ZMYM4: variants seen among roughly 807,000 people sequenced by gnomAD.
The protein encoded by ZMYM4 is zinc finger MYM-type protein 4.
Under a neutral mutation model 183.2 loss-of-function variants are expected in ZMYM4, and 31 were observed. The ratio of observed to expected loss-of-function variants is 0.17; its 90% CI spans 0.13 to 0.23. The LOEUF is 0.23. ZMYM4 is among the 10% of genes least tolerant of loss of function. The pLI, the probability that ZMYM4 is intolerant of heterozygous loss-of-function variation, is 1.00. For missense variants in ZMYM4, 1,273 were observed against 1,840.3 expected, an observed-to-expected ratio of 0.69 and a Z score of 5.64; for synonymous variants, 592 against 631.2, an observed-to-expected ratio of 0.94 and a Z score of 0.93.
At chr1:35,348,115 A>G (rs486871) in intron 2 of ZMYM4, among the ~76,000 whole-genome samples, 151,500 of 152,310 alleles carry the variant, frequency 0.99, 75,348 homozygotes, top group Middle Eastern at 1. Flanking sequence ...GAAAAACAAC[A>G]ATTTGTTTTA....
chr1:35,372,419 A>C (rs527377647), intron 7 of ZMYM4, among the ~76,000 whole-genome samples: 8 of 152,294 alleles, frequency 5.3e-5, no homozygotes, highest in African/African-American at 1.7e-4. Flanking sequence ...AAGGATACAA[A>C]ATTTTTTAGT....
intron 6 of ZMYM4, 82 bp downstream of exon 6, chr1:35,370,195 C>G (rs1164230200): frequency 6.5e-7 from 1 of 1,549,570 alleles, no homozygotes; most frequent in East Asian, 2.3e-5. Flanking sequence ...ATTAATAAAC[C>G]AGGCAGCTCT....
chr1:35,340,113 C>A (rs931766546), intron 2 of ZMYM4, among the ~76,000 whole-genome samples: 7 of 152,088 alleles, frequency 4.6e-5, no homozygotes, highest in Non-Finnish European at 1.0e-4. Context: ...TCTGACAGAA[C>A]AAAATCAAAT....
intron 2 of ZMYM4, among the ~76,000 whole-genome samples, chr1:35,358,584 G>C (rs1426197663): frequency 6.6e-6 from 1 of 152,056 alleles, no homozygotes; most frequent in Non-Finnish European, 1.5e-5. Flanking sequence ...TGTATAGATA[G>C]ACTCTGAGAG....
intron 2 of ZMYM4, among the ~76,000 whole-genome samples, chr1:35,334,424 C>T (rs567507202): frequency 2.0e-5 from 3 of 152,234 alleles, no homozygotes; most frequent in African/African-American, 7.2e-5. Context: ...TAATATTTCC[C>T]AGTCTGATGG....
At chr1:35,283,971 T>A (rs973208874) in intron 1 of ZMYM4, among the ~76,000 whole-genome samples, 1 of 151,850 alleles carries the variant, frequency 6.6e-6, no homozygotes, top group South Asian at 2.1e-4. Context: ...TTTTTTTGTT[T>A]TTTTGTTTTT....
At chr1:35,303,108 A>AC (rs1557954337) in intron 1 of ZMYM4, among the ~76,000 whole-genome samples, 2 of 151,124 alleles carry the variant, frequency 1.3e-5, no homozygotes, top group African/African-American at 4.9e-5. Context: ...AAAAAAAAAA[A>AC]CAAAAAAACC....
intron 1 of ZMYM4, among the ~76,000 whole-genome samples, chr1:35,303,905 AT>A (rs1400735685): frequency 6.6e-6 from 1 of 152,150 alleles, no homozygotes; most frequent in Non-Finnish European, 1.5e-5. Flanking sequence ...AGCTATAGAC[AT>A]TTCTAAGCCC....
At chr1:35,352,141 A>T (rs1261616121) in intron 2 of ZMYM4, among the ~76,000 whole-genome samples, 1 of 152,204 alleles carries the variant, frequency 6.6e-6, no homozygotes, top group Non-Finnish European at 1.5e-5. Context: ...ACTTGCACCT[A>T]TAATTCCAGC....
chr1:35,365,002 A>G (rs533615691), intron 5 of ZMYM4, among the ~76,000 whole-genome samples: 12 of 152,182 alleles, frequency 7.9e-5, no homozygotes. Flanking sequence ...TGGGTCTCAC[A>G]GTTTCATTTC....
chr1:35,394,111 C>T (rs1363279714), intron 18 of ZMYM4, among the ~76,000 whole-genome samples: 1 of 149,050 alleles, frequency 6.7e-6, no homozygotes, highest in African/African-American at 2.5e-5. Context: ...CTTGGCTACT[C>T]CACACTGTTT....
chr1:35,336,595 G>A (rs193236140), intron 2 of ZMYM4, among the ~76,000 whole-genome samples: 1 of 152,104 alleles, frequency 6.6e-6, no homozygotes, highest in East Asian at 1.9e-4. Context: ...AGTAGAGACA[G>A]GACTGTACCA....
chr1:35,372,494 A>G (rs1179725074), intron 7 of ZMYM4, among the ~76,000 whole-genome samples: 1 of 152,192 alleles, frequency 6.6e-6, no homozygotes, highest in Non-Finnish European at 1.5e-5. Flanking sequence ...TGTATTCTTG[A>G]AAAATGGTGA....
intron 2 of ZMYM4, among the ~76,000 whole-genome samples, chr1:35,355,234 A>G (rs1643780055): frequency 8.5e-6 from 1 of 118,128 alleles, no homozygotes. Flanking sequence ...TTTTAAGTAG[A>G]GACAGGGTTT....
At position 35,396,791 on chromosome 1, in the gene ZMYM4, TATC is replaced by T. The variant is rs1393576224; in HGVS notation, c.3030+124_3030+126del. The T allele has an allele frequency of 3.5e-6, 4 of 1,148,028 alleles. No individual in the cohort carries two copies. In the East Asian group the frequency reaches 8.1e-5, roughly 23 times the overall value. 71.1% of individuals were successfully genotyped at this position (1,148,028 alleles called of 1,614,324 possible). A position where few individuals can be genotyped will look rare whatever the true frequency, so the allele number is the denominator to read the frequency against. ...AATATACCTGCTTCTGATTGGCTGT[TATC>T]ATATTCCCATTATTACTTAACATGG... On this transcript the variant is annotated intron_variant, in intron 19 of 29. Coordinates refer to ENST00000314607, the MANE Select transcript of ZMYM4 (RefSeq NM_005095.3).
chr1:35,370,899 G>A, intron 7 of ZMYM4: 1 of 304,296 alleles, frequency 3.3e-6, no homozygotes, highest in Non-Finnish European at 5.9e-6. Flanking sequence ...TAGTTGAAGT[G>A]CCTGATATAA....
In ZMYM4 at chr1:35,304,245, C is replaced by T. The variant is rs138647668; in HGVS notation, c.40-21115C>T. Among the ~76,000 whole-genome samples, 16 of 152,182 alleles carry T rather than the reference C, an allele frequency of 1.1e-4. 2 individuals carry two copies. Among genetic ancestry groups the T allele is most frequent in the African/African-American group, 2.6e-4 (11 of 41,534 alleles). On this transcript the variant is annotated intron_variant, in intron 1 of 29. Transcript: ENST00000314607. ...TTCACTATGTTGGCCAGGCTGGTCT[C>T]GAACTCCTGACCTAGTGATCTGCCC...
chr1:35,387,701 A>G, intron 13 of ZMYM4, 97 bp downstream of exon 13: 3 of 1,319,440 alleles, frequency 2.3e-6, no homozygotes, highest in Non-Finnish European at 3.1e-6. Context: ...AATCTGTTTT[A>G]TTGTTTATGT....
intron 2 of ZMYM4, among the ~76,000 whole-genome samples, chr1:35,358,152 G>GC (rs931936227): frequency 2.0e-5 from 3 of 152,104 alleles, no homozygotes; most frequent in Non-Finnish European, 4.4e-5. Context: ...TGATAGAGAT[G>GC]AAGTAGAAGC....
Sources: gnomAD v4.1 joint callset for allele counts (sites outside exome capture counted in the v4.1 genomes callset) on GRCh38, gnomAD v4.1.1 for gene constraint, MANE v1.5 for transcripts, NCBI Gene and HGNC (gene_info 2026-07-23, HGNC 2026-07-21) for gene names.